Variants in ANKFN1 observed in about 807,000 individuals in gnomAD.
ANKFN1 encodes ankyrin repeat and fibronectin type-III domain-containing protein 1.
ANKFN1 carries 74 observed loss-of-function variants against 108.7 expected under a neutral mutation model. The ratio of observed to expected loss-of-function variants is 0.68; its 90% confidence interval spans 0.56 to 0.83. The LOEUF (loss-of-function observed/expected upper bound fraction) is 0.83. Among genes scored for constraint, ANKFN1 ranks in the 40% least tolerant of loss-of-function variants. ANKFN1 has a pLI of 0.00. For synonymous variants in ANKFN1, 547 were observed against 516.2 expected, an observed-to-expected ratio of 1.06 and a Z score of -0.81; for missense variants, 1,505 against 1,382.3, an observed-to-expected ratio of 1.09 and a Z score of -1.41.
chr17:56,253,469 G>A (rs1476427836), intron 3 of ANKFN1, among the ~76,000 whole-genome samples: 1 of 152,162 alleles, frequency 6.6e-6, no homozygotes, highest in Non-Finnish European at 1.5e-5. Context: ...CGGGCGCAAT[G>A]GTTCACACCC....
intron 11 of ANKFN1, among the ~76,000 whole-genome samples, chr17:56,453,107 G>T (rs1026977255): frequency 6.6e-6 from 1 of 151,652 alleles, no homozygotes; most frequent in Non-Finnish European, 1.5e-5. Context: ...AATTATTTTA[G>T]TATTTTCCCC....
chr17:56,301,297 T>A (rs1001838522), intron 3 of ANKFN1, among the ~76,000 whole-genome samples: 15 of 152,222 alleles, frequency 9.9e-5, no homozygotes, highest in African/African-American at 3.6e-4. Flanking sequence ...ATTTGTCTCC[T>A]TCCTGGCAAC....
rs191687607 is a variant in ANKFN1 at position 56,411,828 on chromosome 17, G to A, written c.911-28499G>A. Among the ~76,000 whole-genome samples, 41 of 152,138 alleles carry A rather than the reference G, an allele frequency of 2.7e-4. No individual in the cohort carries two copies. In the East Asian group the frequency reaches 7.5e-3, roughly 28 times the overall value. ...TATGTTGAAATCCCTTCATACCCCT[G>A]GAATGAATCCCACTTCATCATGGTA... On this transcript the variant is annotated intron_variant, in intron 8 of 20. Transcript: ENST00000682825.
At chr17:56,321,585 C>A (rs2045369008) in intron 3 of ANKFN1, among the ~76,000 whole-genome samples, 1 of 152,074 alleles carries the variant, frequency 6.6e-6, no homozygotes, top group African/African-American at 2.4e-5. Context: ...ACAGGGCAGA[C>A]ATGCATTTGC....
At chr17:56,165,430 GTC>G (rs1298781980) in intron 1 of ANKFN1, among the ~76,000 whole-genome samples, 1 of 152,112 alleles carries the variant, frequency 6.6e-6, no homozygotes, top group Non-Finnish European at 1.5e-5. Context: ...TATGCTTTAT[GTC>G]TCATTTCCTT....
At chr17:56,375,088 G>A (rs1475393431) in intron 8 of ANKFN1, among the ~76,000 whole-genome samples, 4 of 152,016 alleles carry the variant, frequency 2.6e-5, no homozygotes, top group Non-Finnish European at 4.4e-5. Context: ...CTAAGTAGGG[G>A]TTAAAAAAAA....
chr17:56,177,887 T>G (rs993922484), intron 1 of ANKFN1, among the ~76,000 whole-genome samples: 3 of 152,184 alleles, frequency 2.0e-5, no homozygotes, highest in African/African-American at 7.2e-5. Flanking sequence ...TTTAAGTTAT[T>G]TTTTATGCAA....
chr17:56,398,249 A>G (rs933344455), intron 8 of ANKFN1, among the ~76,000 whole-genome samples: 2 of 152,190 alleles, frequency 1.3e-5, no homozygotes, highest in Non-Finnish European at 2.9e-5. Flanking sequence ...TTATTGAATG[A>G]ATGAATACAT....
At chr17:56,478,903 T>G (rs1014966080) in intron 16 of ANKFN1, among the ~76,000 whole-genome samples, 1 of 152,192 alleles carries the variant, frequency 6.6e-6, no homozygotes, top group Non-Finnish European at 1.5e-5. Context: ...TCAACTCTAA[T>G]GTCTCACTAG....
intron 3 of ANKFN1, among the ~76,000 whole-genome samples, chr17:56,270,845 A>G (rs1051278161): frequency 2.6e-5 from 4 of 151,778 alleles, no homozygotes; most frequent in Non-Finnish European, 5.9e-5. Flanking sequence ...GGCTGCCTCC[A>G]TCTTATTCTT....
At chr17:56,048,550 T>A (rs1904719336) in intron 4 of ANKFN1, among the ~76,000 whole-genome samples, 1 of 152,166 alleles carries the variant, frequency 6.6e-6, no homozygotes, top group Non-Finnish European at 1.5e-5. Context: ...TTGCTTTGAG[T>A]CCTAGTGAGC....
At chr17:56,503,957 T>C (rs1325161105) in intron 20 of ANKFN1, among the ~76,000 whole-genome samples, 1 of 152,202 alleles carries the variant, frequency 6.6e-6, no homozygotes, top group African/African-American at 2.4e-5. Context: ...CAGTGGTTAA[T>C]GGAGCATATG....
chr17:56,326,095 G>C, intron 3 of ANKFN1, 126 bp from the exon 4 acceptor site: 2 of 1,341,316 alleles, frequency 1.5e-6, no homozygotes, highest in Non-Finnish European at 2.0e-6. Flanking sequence ...GAGCCAAGCT[G>C]TTTACTTCTC....
intron 4 of ANKFN1, among the ~76,000 whole-genome samples, chr17:56,344,547 T>C (rs1379608963): frequency 2.0e-5 from 3 of 152,020 alleles, no homozygotes; most frequent in Non-Finnish European, 4.4e-5. Context: ...CCCTGCCCTG[T>C]AGTCTGTTAG....
At chr17:56,117,913 A>G (rs185109469) in intron 4 of ANKFN1, among the ~76,000 whole-genome samples, 1 of 152,248 alleles carries the variant, frequency 6.6e-6, no homozygotes, top group Non-Finnish European at 1.5e-5. Flanking sequence ...AGGCCTGGCT[A>G]CCAGACTCAT....
chr17:56,182,258 G>A (rs1475891189), intron 1 of ANKFN1, among the ~76,000 whole-genome samples: 2 of 152,174 alleles, frequency 1.3e-5, no homozygotes, highest in Non-Finnish European at 2.9e-5. Context: ...AGTGAGGAAG[G>A]CAGGTCGAAA....
At chr17:56,084,797 G>A (rs1255756372) in intron 4 of ANKFN1, among the ~76,000 whole-genome samples, 4 of 151,204 alleles carry the variant, frequency 2.6e-5, no homozygotes, top group African/African-American at 9.7e-5. Context: ...GTTGTAGAAT[G>A]AGATGAAAGT....
At chr17:56,150,379 A>G (rs1431779479), upstream of ANKFN1, among the ~76,000 whole-genome samples, 1 of 152,184 alleles carries the variant, frequency 6.6e-6, no homozygotes, top group East Asian at 1.9e-4. Context: ...GAGCTGGGTT[A>G]CCGATACCCC....
At chr17:56,262,106 A>C (rs866702618) in intron 3 of ANKFN1, among the ~76,000 whole-genome samples, 3 of 152,266 alleles carry the variant, frequency 2.0e-5, no homozygotes, top group Middle Eastern at 3.4e-3. Context: ...TATAATTTTA[A>C]CAAATCTTTC....
Sources: gnomAD v4.1 joint callset for allele counts (sites outside exome capture counted in the v4.1 genomes callset) on GRCh38, gnomAD v4.1.1 for gene constraint, MANE v1.5 for transcripts, NCBI Gene and HGNC (gene_info 2026-07-23, HGNC 2026-07-21) for gene names.